The following PPP1R1A variants were observed in gnomAD, a reference collection of about 807,000 sequenced individuals.
PPP1R1A encodes the protein protein phosphatase 1 regulatory inhibitor subunit 1A.
PPP1R1A carries 18 observed loss-of-function variants against 23.9 expected under a neutral mutation model. The ratio of observed to expected loss-of-function variants is 0.75; its 90% confidence interval spans 0.52 to 1.12. The LOEUF (loss-of-function observed/expected upper bound fraction) is 1.12, where lower values mean the gene tolerates loss of function less well. Ranked by LOEUF, PPP1R1A falls within the 50% of genes most tolerant of loss-of-function variation. The pLI is 0.00. For synonymous variants in PPP1R1A, 84 were observed against 80.7 expected (o/e 1.04, Z -0.22); for missense variants, 207 against 223.8 (o/e 0.92, Z 0.48).
chr12:54,579,426 G>C lies in PPP1R1A; in HGVS notation c.*961C>G. The stretch of plus-strand genomic sequence containing the variant: ...GAGGGCTCATAGTAGCTGCATGGCA[G>C]AAGTGGGACCTGACGCTTCTCAGGC... On this transcript the variant is annotated 3_prime_UTR_variant, in exon 7 of 7. Coordinates refer to ENST00000257905, the MANE Select transcript of PPP1R1A (RefSeq NM_006741.4). 5.1e-6 allele frequency: 5 copies of C among 985,432 alleles called. No individual in the cohort carries two copies. The highest frequency in any genetic ancestry group is 6.0e-6 in the Non-Finnish European group (5 of 829,956). The allele number at this position is 985,432 out of a possible 1,614,324, so 61.0% of individuals were successfully genotyped here.
chr12:54,583,842 A>G (rs1379948351), intron 2 of PPP1R1A, among the ~76,000 whole-genome samples: 2 of 152,138 alleles, frequency 1.3e-5, no homozygotes, highest in Non-Finnish European at 2.9e-5. Flanking sequence ...GGTGACCAGA[A>G]TCTCAGCTGC....
Position 54,581,859 on chromosome 12 carries a change from G to A in PPP1R1A, c.403+117C>T. 8.9e-7 allele frequency: 1 copy of A among 1,120,802 alleles called. No individual in the cohort carries two copies. Among genetic ancestry groups the A allele is most frequent in the East Asian group, 2.6e-5 (1 of 38,388 alleles). The allele number at this position is 1,120,802 out of a possible 1,614,324, so 69.4% of individuals were successfully genotyped here. ...GATCCATATCCTTGAGACAGTTTTT[G>A]CCTACTACTAGGCCTCTCCCAGGCT... On this transcript the variant is annotated intron_variant, in intron 5 of 6. Coordinates refer to ENST00000257905, the MANE Select transcript of PPP1R1A (RefSeq NM_006741.4). This position sits in a 1 kb window ranked among gnomAD's most constrained non-coding sequence, Gnocchi z 4.1.
Position 54,581,126 on chromosome 12 carries a change from C to G in PPP1R1A, c.404-76G>C. ...TTGGGGAGGGAACTGCTTCTCCTCA[C>G]TGCACCCATACCCCAGTGGCCCCTG... On this transcript the variant is annotated intron_variant, in intron 5 of 6. Transcript: ENST00000257905. The surrounding 1 kb of genome is among the most constrained non-coding windows in gnomAD (Gnocchi z 4.1). The G allele has an allele frequency of 8.6e-7, 1 of 1,158,456 alleles. No homozygotes were observed. The highest frequency in any genetic ancestry group is 1.9e-5 in the Admixed American group (1 of 53,528). The allele number at this position is 1,158,456 out of a possible 1,614,324, so 71.8% of individuals were successfully genotyped here.
At position 54,579,945 on chromosome 12, in the gene PPP1R1A, C is replaced by T; in HGVS notation, c.*442G>A. The T allele has an allele frequency of 1.0e-6, 1 of 994,072 alleles. No individual in the cohort carries two copies. The highest frequency in any genetic ancestry group is 1.2e-6 in the Non-Finnish European group (1 of 835,028). 61.6% of individuals were successfully genotyped at this position (994,072 alleles called of 1,614,324 possible). A position where few individuals can be genotyped will look rare whatever the true frequency, so the allele number is the denominator to read the frequency against. On this transcript the variant is annotated 3_prime_UTR_variant, in exon 7 of 7. Coordinates refer to ENST00000257905, the MANE Select transcript of PPP1R1A (RefSeq NM_006741.4). ...GGACACGGCACAGGCCTTAGAGCGC[C>T]GAGTCTTCCAGCTGCAGGGCAGGCC...
At position 54,580,150 on chromosome 12, in the gene PPP1R1A, T is replaced by C. The variant is rs527251957; in HGVS notation, c.*237A>G. 66 of 1,340,192 alleles carry C rather than the reference T, an allele frequency of 4.9e-5. No individual in the cohort carries two copies. Among genetic ancestry groups the C allele is most frequent in the Non-Finnish European group, 6.2e-5 (65 of 1,042,164 alleles). 83.0% of individuals were successfully genotyped at this position (1,340,192 alleles called of 1,614,324 possible). Reference sequence around the variant, plus strand: ...TCAAGGCTTCTGCCTAGCTCCTGTTTCTTCCTTCCCAGAGGCAGCTTGGCA... The same window carrying C: ...TCAAGGCTTCTGCCTAGCTCCTGTTCCTTCCTTCCCAGAGGCAGCTTGGCA... On this transcript the variant is annotated 3_prime_UTR_variant, in exon 7 of 7. Coordinates refer to ENST00000257905, the MANE Select transcript of PPP1R1A (RefSeq NM_006741.4).
chr12:54,583,999 C>T (rs552101630), intron 2 of PPP1R1A, among the ~76,000 whole-genome samples: 9 of 152,278 alleles, frequency 5.9e-5, no homozygotes, highest in Admixed American at 2.6e-4. Flanking sequence ...AGGCTGTTGT[C>T]GCAGCAACCA....
chr12:54,588,445 G>T lies in PPP1R1A; in HGVS notation c.44C>A (p.Pro15Gln). The change falls in exon 1 of 7, where the codon CCG becomes CAG. Residue 15 changes from proline (P) to glutamine (Q), a missense_variant. By Grantham distance (76) the Pro-to-Gln change is moderately conservative (BLOSUM62 -1). Transcript: ENST00000257905. ...GGGGTCAAGGTGCGGCTCCAGCAGC[G>T]GGACCGTGAACTGGATCTTTCGGGG... ...NSPRKIQFTV[P>Q]LLEPHLDPEA... 6.7e-6 allele frequency: 10 copies of T among 1,496,586 alleles called. No individual in the cohort carries two copies. Among genetic ancestry groups the T allele is most frequent in the South Asian group, 1.3e-5 (1 of 78,964 alleles). The allele number at this position is 1,496,586 out of a possible 1,614,324, so 92.7% of individuals were successfully genotyped here. A position where few individuals can be genotyped will look rare whatever the true frequency, so the allele number is the denominator to read the frequency against.
Position 54,583,221 on chromosome 12 carries a change from G to A in PPP1R1A, c.173C>T (p.Pro58Leu). 1 of 1,543,190 alleles carries A rather than the reference G, an allele frequency of 6.5e-7. No individual in the cohort carries two copies. Among genetic ancestry groups the A allele is most frequent in the Non-Finnish European group, 8.7e-7 (1 of 1,150,356 alleles). Residue 58 changes from proline to leucine, a missense_variant, in exon 3 of 7, where the codon CCA becomes CTA. Pro to Leu is a moderately conservative substitution (Grantham distance 98). Coordinates refer to ENST00000257905, the MANE Select transcript of PPP1R1A (RefSeq NM_006741.4). The part of the protein sequence containing the change: ...PEIDEDRIPN[P>L]HLKSTLAMSP... ...GATGGGCCAGCTCACCTTGAGATGT[G>A]GGTTGGGGATCCGGTCTTCATCTAT...
chr12:54,582,481 T>C (rs1957865037), intron 4 of PPP1R1A, among the ~76,000 whole-genome samples: 1 of 152,178 alleles, frequency 6.6e-6, no homozygotes, highest in African/African-American at 2.4e-5. Context: ...TGTTGTGCAC[T>C]GTGCCGGTGA....
chr12:54,582,781 C>T lies in PPP1R1A; in HGVS notation c.198G>A (p.Met66Ile). 6.2e-7 allele frequency: 1 copy of T among 1,613,590 alleles called. No homozygotes were observed. The highest frequency in any genetic ancestry group is 8.5e-7 in the Non-Finnish European group (1 of 1,179,890). The change falls in exon 4 of 7, where the codon ATG (methionine) becomes ATA (isoleucine). Residue 66 changes from methionine to isoleucine, a missense_variant. Physicochemically the swap from Met to Ile is conservative, Grantham distance 10 (BLOSUM62 1). Transcript: ENST00000257905. ...PNPHLKSTLAMSPRQRKKMTR... is the reference protein window; with the variant it reads ...PNPHLKSTLAISPRQRKKMTR... The stretch of plus-strand genomic sequence containing the variant: ...TCATCTTCTTCCGTTGCCGTGGAGA[C>T]ATTGCCAAAGTGGACTGTGAAGGGC...
At position 54,582,156 on chromosome 12, in the gene PPP1R1A, A is replaced by G. The variant is rs200443698; in HGVS notation, c.248-25T>C. On this transcript the variant is annotated intron_variant, in intron 4 of 6. Coordinates refer to ENST00000257905, the MANE Select transcript of PPP1R1A (RefSeq NM_006741.4). ...TCTGGGGACACAGAGAAAGGGAGGG[A>G]ACACTGGATATGACTGCCTAGCGTC... 1.6e-4 allele frequency: 251 copies of G among 1,602,972 alleles called. No individual in the cohort carries two copies. In the African/African-American group the frequency reaches 3.0e-3, roughly 19 times the overall value.
chr12:54,581,083 G>GT lies in PPP1R1A; in HGVS notation c.404-34dup. On this transcript the variant is annotated intron_variant, in intron 5 of 6. Transcript: ENST00000257905. The surrounding 1 kb of genome is among the most constrained non-coding windows in gnomAD (Gnocchi z 4.1). ...GGGAACATAGGGGTGGGAGGAAGAGGTGGCATTCATAAAGGTGTTGGGGAG... is the reference window on the plus strand; with the variant it reads ...GGGAACATAGGGGTGGGAGGAAGAGGTTGGCATTCATAAAGGTGTTGGGGAG... 6.6e-7 allele frequency: 1 copy of GT among 1,511,184 alleles called. No homozygotes were observed. 93.6% of individuals were successfully genotyped at this position (1,511,184 alleles called of 1,614,324 possible).
intron 1 of PPP1R1A, among the ~76,000 whole-genome samples, chr12:54,584,836 C>T (rs1957893228): frequency 6.6e-6 from 1 of 152,114 alleles, no homozygotes. Flanking sequence ...CAGAAGACCA[C>T]CTCGCCTCCC....
rs1957860011 is a variant in PPP1R1A at position 54,582,035 on chromosome 12, G to C, written c.344C>G (p.Pro115Arg). The C allele has an allele frequency of 1.9e-6, 3 of 1,613,668 alleles. No homozygotes were observed. The South Asian group carries it at 3.3e-5, about 18-fold the overall frequency. ...CACTTCTGTGTCTGGGATCCCAGGT[G>C]GGCGGGACTCCTGGGTTCCTGTGCT... ...AESTGTQESRPPGIPDTEVES... is the reference protein window; with the variant it reads ...AESTGTQESRRPGIPDTEVES... The change falls in exon 5 of 7, where the codon CCA (proline) becomes CGA (arginine). Residue 115 changes from proline to arginine, a missense_variant. Transcript: ENST00000257905.
chr12:54,588,322 G>GGC, intron 1 of PPP1R1A, 83 bp downstream of exon 1: 1 of 1,106,820 alleles, frequency 9.0e-7, no homozygotes, highest in South Asian at 1.7e-5. Context: ...GGGAGGACTA[G>GGC]GCAGGGATCC....
chr12:54,583,919 C>T (rs1375757954), intron 2 of PPP1R1A, among the ~76,000 whole-genome samples: 1 of 152,072 alleles, frequency 6.6e-6, no homozygotes, highest in Non-Finnish European at 1.5e-5. Flanking sequence ...GAGGCGGTCC[C>T]TCCCCCTCAC....
intron 2 of PPP1R1A, 33 bp from the exon 3 acceptor site, chr12:54,583,281 G>C: frequency 6.8e-7 from 1 of 1,473,896 alleles, no homozygotes; most frequent in Middle Eastern, 1.8e-4. Flanking sequence ...AGGGTGATAA[G>C]GACAGGAAAC....
Position 54,588,126 on chromosome 12 carries a change from C to T in PPP1R1A, c.84+279G>A, listed in dbSNP as rs374053929. 3.5e-4 allele frequency among the ~76,000 whole-genome samples: 53 copies of T among 152,104 alleles called. No homozygotes were observed. In the South Asian group the frequency reaches 5.0e-3, roughly 14 times the overall value. On this transcript the variant is annotated intron_variant, in intron 1 of 6. Transcript: ENST00000257905. Reference sequence around the variant, plus strand: ...GTCGTGTCCTCAAGCAGGCCCCCTCCCCCAGGACTGGGGAGGAAGAGAGCG... The same window carrying T: ...GTCGTGTCCTCAAGCAGGCCCCCTCTCCCAGGACTGGGGAGGAAGAGAGCG...
chr12:54,588,479 C>G lies in PPP1R1A; in HGVS notation c.10G>C (p.Asp4His). 7.0e-7 allele frequency: 1 copy of G among 1,426,844 alleles called. No individual in the cohort carries two copies. The highest frequency in any genetic ancestry group is 9.3e-7 in the Non-Finnish European group (1 of 1,080,700). The allele number at this position is 1,426,844 out of a possible 1,614,324, so 88.4% of individuals were successfully genotyped here. The change falls in exon 1 of 7, where the codon GAC (aspartate) becomes CAC (histidine). Residue 4 changes from aspartate to histidine, a missense_variant. Physicochemically the swap from Asp to His is moderately conservative, Grantham distance 81. Coordinates refer to ENST00000257905, the MANE Select transcript of PPP1R1A (RefSeq NM_006741.4). ...AACTGGATCTTTCGGGGGCTGTTGT[C>G]TTGCTCCATGGCTGGGGCGGCGGCC... is the stretch of plus-strand genomic sequence containing the variant. MEQ[D>H]NSPRKIQFTV...
Sources: gnomAD v4.1 joint callset for allele counts (sites outside exome capture counted in the v4.1 genomes callset) on GRCh38, gnomAD v4.1.1 for gene constraint, Gnocchi (gnomAD v3.1) non-coding constraint, MANE v1.5 for transcripts, NCBI Gene and HGNC (gene_info 2026-07-23, HGNC 2026-07-21) for gene names.